The following CACNA1D variants were observed in gnomAD, a reference collection of about 807,000 sequenced individuals.
CACNA1D encodes the protein voltage-dependent L-type calcium channel subunit alpha-1D.
In CACNA1D, 55 loss-of-function variants were observed where a neutral mutation model predicts 257.1. The ratio of observed to expected loss-of-function variants is 0.21; its 90% CI spans 0.17 to 0.27. The LOEUF is 0.27. CACNA1D is among the 10% of genes least tolerant of loss of function. The pLI is 1.00. For synonymous variants in CACNA1D, 980 were observed against 1,014.9 expected (o/e 0.97, Z 0.65); for missense variants, 1,876 against 2,784.0 (o/e 0.67, Z 7.34).
At position 53,812,349 on chromosome 3, in the gene CACNA1D, A is replaced by AT. The variant is rs2095604117; in HGVS notation, c.*946dup. ...AGTAGAAGAAATAGAGCCAATTCTC[A>AT]TTTATTCAGCGAAAATCCTCTGGGG... is the stretch of plus-strand genomic sequence containing the variant. On this transcript the variant is annotated 3_prime_UTR_variant, in exon 48 of 48. Coordinates refer to ENST00000350061, the MANE Select transcript of CACNA1D (RefSeq NM_001128840.3). 1 of 152,228 alleles carries AT rather than the reference A, an allele frequency of 6.6e-6. No homozygotes were observed. 9.4% of individuals were successfully genotyped at this position (152,228 alleles called of 1,614,324 possible).
chr3:53,501,815 T>C, intron 3 of CACNA1D, 95 bp downstream of exon 3: 2 of 756,910 alleles, frequency 2.6e-6, no homozygotes, highest in Non-Finnish European at 4.8e-6. Flanking sequence ...GGTTGAAGTT[T>C]ATAGCTATGC....
In CACNA1D at chr3:53,772,871, C is replaced by T; in HGVS notation, c.4083C>T (p.Phe1361=). The change falls in exon 33 of 48, where the codon TTC becomes TTT. Residue 1361 remains phenylalanine, a synonymous_variant. Transcript: ENST00000350061. ...PYVALLIAML[F]FIYAVIGMQM... is the part of the protein sequence containing the mutation. Reference sequence around the variant, plus strand: ...TGGCCCTCCTCATAGCCATGCTGTTCTTCATCTATGCGGTCATTGGCATGC... The same window carrying T: ...TGGCCCTCCTCATAGCCATGCTGTTTTTCATCTATGCGGTCATTGGCATGC... 1 of 1,613,870 alleles carries T rather than the reference C, an allele frequency of 6.2e-7. No individual in the cohort carries two copies.
chr3:53,719,996 C>T (rs55900933), intron 11 of CACNA1D, among the ~76,000 whole-genome samples: 93 of 152,236 alleles, frequency 6.1e-4, no homozygotes, highest in Non-Finnish European at 1.0e-3. Context: ...CAATAAGACT[C>T]AGTAACGAGT....
At chr3:53,535,668 A>AG (rs2092095651) in intron 3 of CACNA1D, among the ~76,000 whole-genome samples, 1 of 152,224 alleles carries the variant, frequency 6.6e-6, no homozygotes. Context: ...ACTAGTGGGA[A>AG]GTAGACTAAT....
Position 53,673,971 on chromosome 3 carries a change from G to A in CACNA1D, c.1220+845G>A. 5.7e-6 allele frequency: 4 copies of A among 707,420 alleles called. No homozygotes were observed. Among genetic ancestry groups the A allele is most frequent in the South Asian group, 4.5e-5 (3 of 66,862 alleles). 43.8% of individuals were successfully genotyped at this position (707,420 alleles called of 1,614,324 possible). ...TTTGGATTGAACTGTGATTCTTTCT[G>A]CCTGTATCTGTCTGTGAGATTCCGT... On this transcript the variant is annotated intron_variant, in intron 8 of 47. Transcript: ENST00000350061. The surrounding 1 kb of genome is among the most constrained non-coding windows in gnomAD (Gnocchi z 4.1).
chr3:53,517,075 A>G (rs1311605358), intron 3 of CACNA1D, among the ~76,000 whole-genome samples: 6 of 152,204 alleles, frequency 3.9e-5, no homozygotes, highest in Non-Finnish European at 8.8e-5. Flanking sequence ...AAAAATTTAA[A>G]TGAGATCTGT....
rs775014620 is a variant in CACNA1D, at chr3:53,774,538, T to C, written c.4111-49T>C. 13 of 1,137,962 alleles carry C rather than the reference T, an allele frequency of 1.1e-5. No homozygotes were observed. In the Admixed American group the frequency reaches 2.2e-4, roughly 19 times the overall value. 70.5% of individuals were successfully genotyped at this position (1,137,962 alleles called of 1,614,324 possible). A position where few individuals can be genotyped will look rare whatever the true frequency, so the allele number is the denominator to read the frequency against. On this transcript the variant is annotated intron_variant, in intron 33 of 47. Transcript: ENST00000350061. The surrounding 1 kb of genome is among the most constrained non-coding windows in gnomAD (Gnocchi z 4.3). The stretch of plus-strand genomic sequence containing the variant: ...GTTCTAAATTCACATACGGATTTTT[T>C]TTGCATGACGAAATCTATTCTCTTT...
intron 3 of CACNA1D, among the ~76,000 whole-genome samples, chr3:53,607,170 C>T (rs963309238): frequency 6.6e-6 from 1 of 152,042 alleles, no homozygotes; most frequent in Non-Finnish European, 1.5e-5. Context: ...CTTTTATTAC[C>T]CTTGGGAAAA....
intron 8 of CACNA1D, among the ~76,000 whole-genome samples, chr3:53,688,922 C>A (rs929670927): frequency 6.6e-6 from 1 of 151,998 alleles, no homozygotes; most frequent in Admixed American, 6.6e-5. Flanking sequence ...GTGTACTGTC[C>A]CCAGAGGCCC....
intron 8 of CACNA1D, among the ~76,000 whole-genome samples, chr3:53,690,224 T>C (rs900151259): frequency 6.6e-6 from 1 of 152,228 alleles, no homozygotes; most frequent in Non-Finnish European, 1.5e-5. Flanking sequence ...GGAAACCCGC[T>C]GTGGGACCCT....
At chr3:53,584,583 GAAGA>G (rs1040475860) in intron 3 of CACNA1D, among the ~76,000 whole-genome samples, 3 of 152,168 alleles carry the variant, frequency 2.0e-5, no homozygotes, top group Non-Finnish European at 4.4e-5. Flanking sequence ...CAGAAGGAAG[GAAGA>G]CTCAGTGCCT....
chr3:53,535,617 T>G lies in CACNA1D; in HGVS notation c.483+33897T>G, dbSNP rs72964380. ...GTGGAATTAGAACATGTTGTTTCTT[T>G]TGAGGTTGCAAAAAGCAAACAAGGA... is the stretch of plus-strand genomic sequence containing the variant. On this transcript the variant is annotated intron_variant, in intron 3 of 47. Transcript: ENST00000350061. Among the ~76,000 whole-genome samples the G allele has an allele frequency of 1.5e-3, 228 of 152,308 alleles. 2 individuals carry two copies. The highest frequency in any genetic ancestry group is 5.2e-3 in the African/African-American group (218 of 41,568).
chr3:53,713,531 TGTGTGTGTGTGTGA>T lies in CACNA1D; in HGVS notation c.1391-4768_1391-4755del, dbSNP rs1383594585. On this transcript the variant is annotated intron_variant, in intron 9 of 47. Transcript: ENST00000350061. The stretch of plus-strand genomic sequence containing the variant: ...GTGTGTGTGTGTGTGTGTGTGTGTG[TGTGTGTGTGTGTGA>T]GAGATTTGCCTCCAAATTCACAAGC... Among the ~76,000 whole-genome samples, 691 of 138,718 alleles carry T rather than the reference TGTGTGTGTGTGTGA, an allele frequency of 5.0e-3. 5 individuals are homozygous for T. The highest frequency in any genetic ancestry group is 0.02 in the African/African-American group (645 of 32,640). The allele number at this position is 138,718 out of a possible 152,430, so 91.0% of individuals were successfully genotyped here.
Position 53,742,877 on chromosome 3 carries a change from G to A in CACNA1D, c.2812-134G>A, listed in dbSNP as rs144980716. On this transcript the variant is annotated intron_variant, in intron 21 of 47. Transcript: ENST00000350061. ...AGAAATTATCCTGTGGCTCAACCCC[G>A]TTGGTTTACATTTCTGACTTCTTAA... 2,905 of 719,826 alleles carry A rather than the reference G, an allele frequency of 4.0e-3. 16 individuals are homozygous for A. Among genetic ancestry groups the A allele is most frequent in the Non-Finnish European group, 6.1e-3 (2,400 of 390,266 alleles). The allele number at this position is 719,826 out of a possible 1,614,324, so 44.6% of individuals were successfully genotyped here.
intron 9 of CACNA1D, among the ~76,000 whole-genome samples, chr3:53,716,826 A>T (rs968350080): frequency 6.6e-6 from 1 of 152,160 alleles, no homozygotes; most frequent in Non-Finnish European, 1.5e-5. Context: ...AGCGGAACGG[A>T]TCAGGGATCT....
At chr3:53,600,976 A>T (rs925361329) in intron 3 of CACNA1D, among the ~76,000 whole-genome samples, 5 of 152,126 alleles carry the variant, frequency 3.3e-5, no homozygotes, top group Non-Finnish European at 7.4e-5. Context: ...TGGCAACCCT[A>T]ACGTGTTGGG....
chr3:53,682,365 TAAAAAAAAAAA>T (rs3082718), intron 8 of CACNA1D, among the ~76,000 whole-genome samples: 693 of 47,386 alleles, frequency 0.015, 27 homozygotes, highest in African/African-American at 0.057. Context: ...TTGTCTCTGG[TAAAAAAAAAAA>T]AAAAAAAAAA....
chr3:53,642,533 G>A (rs1420573340), intron 3 of CACNA1D, among the ~76,000 whole-genome samples: 2 of 152,308 alleles, frequency 1.3e-5, no homozygotes, highest in East Asian at 3.9e-4. Context: ...CATCATTACT[G>A]CCCCATCCAG....
intron 3 of CACNA1D, among the ~76,000 whole-genome samples, chr3:53,537,423 T>C (rs2092145868): frequency 6.6e-6 from 1 of 152,232 alleles, no homozygotes; most frequent in African/African-American, 2.4e-5. Flanking sequence ...AAATCTCAGG[T>C]ATATCATTTT....
Sources: allele counts gnomAD v4.1 joint callset (sites outside exome capture counted in the v4.1 genomes callset), GRCh38; gene constraint gnomAD v4.1.1; non-coding constraint Gnocchi (gnomAD v3.1); transcripts MANE v1.5; gene names NCBI Gene and HGNC (gene_info 2026-07-23, HGNC 2026-07-21).